CHD2: variants seen among roughly 807,000 people sequenced by gnomAD.
The protein encoded by CHD2 is ATP-dependent chromatin remodeler CHD2.
CHD2 carries 28 observed loss-of-function variants against 243.9 expected under a neutral mutation model. That is an observed-to-expected ratio of 0.11 (90% confidence interval 0.09 to 0.16). The LOEUF (loss-of-function observed/expected upper bound fraction) is 0.16, where lower values mean the gene tolerates loss of function less well. CHD2 is among the 10% of genes least tolerant of loss of function. The pLI is 1.00. For missense variants in CHD2, 1,386 were observed against 2,209.8 expected, an observed-to-expected ratio of 0.63 and a Z score of 7.47; for synonymous variants, 775 against 779.0, an observed-to-expected ratio of 0.99 and a Z score of 0.09.
At chr15:92,955,188 G>A (rs1299038680) in intron 14 of CHD2, among the ~76,000 whole-genome samples, 1 of 152,134 alleles carries the variant, frequency 6.6e-6, no homozygotes, top group Non-Finnish European at 1.5e-5. Context: ...CTGGGGGCCA[G>A]TTTCTTCTGA....
rs1225836639 is a variant in CHD2 at position 92,906,590 on chromosome 15, TAA to T, written c.62+5292_62+5293del. 2.6e-5 allele frequency among the ~76,000 whole-genome samples: 4 copies of T among 152,076 alleles called. No homozygotes were observed. The East Asian group carries it at 7.7e-4, about 29-fold the overall frequency. On this transcript the variant is annotated intron_variant, in intron 2 of 38. Coordinates refer to ENST00000394196, the MANE Select transcript of CHD2 (RefSeq NM_001271.4). ...ATTTCTCCCATAAAATTTGATACAC[TAA>T]GTTTGTTTCTGGTATAAAAATTGAG...
chr15:92,918,091 C>T (rs2141730919), intron 2 of CHD2, among the ~76,000 whole-genome samples: 1 of 152,288 alleles, frequency 6.6e-6, no homozygotes, highest in Middle Eastern at 3.4e-3. Flanking sequence ...AGGCTGGCTC[C>T]TTTTAAGTGG....
chr15:92,930,383 A>G (rs2053143563), intron 5 of CHD2, among the ~76,000 whole-genome samples: 1 of 152,032 alleles, frequency 6.6e-6, no homozygotes, highest in Admixed American at 6.6e-5. Flanking sequence ...CAGTCACTGT[A>G]TAATACATTG....
Position 93,024,465 on chromosome 15 carries a change from C to T in CHD2, c.5247C>T (p.Pro1749=), listed in dbSNP as rs766244767. 18 of 1,614,072 alleles carry T rather than the reference C, an allele frequency of 1.1e-5. No homozygotes were observed. The Admixed American group carries it at 1.2e-4, about 10-fold the overall frequency. ...TCCGACGAATGTCTGATCACCGCCC[C>T]GCTATGGGCTACCATGGCCAGGGAC... ...QDFRRMSDHR[P]AMGYHGQGPS... is the part of the protein sequence containing the mutation. Residue 1749 remains proline (P), a synonymous_variant, in exon 39 of 39, where the codon CCC becomes CCT. Coordinates refer to ENST00000394196, the MANE Select transcript of CHD2 (RefSeq NM_001271.4).
At chr15:92,975,732 C>T (rs1321531419) in intron 20 of CHD2, among the ~76,000 whole-genome samples, 1 of 151,848 alleles carries the variant, frequency 6.6e-6, no homozygotes, top group Non-Finnish European at 1.5e-5. Context: ...ACTCTTGATG[C>T]CTGTGCCTGT....
chr15:93,013,385 G>A (rs566976090), intron 36 of CHD2, among the ~76,000 whole-genome samples: 120 of 152,252 alleles, frequency 7.9e-4, no homozygotes, highest in Non-Finnish European at 1.5e-3. Flanking sequence ...GTCTGAAGTT[G>A]GACACATAAT....
chr15:92,976,653 CAAA>C (rs11354443), intron 20 of CHD2, among the ~76,000 whole-genome samples: 19 of 133,658 alleles, frequency 1.4e-4, no homozygotes, highest in Non-Finnish European at 1.6e-4. Context: ...CTGTCTCTAC[CAAA>C]AAAAAAAAAA....
At chr15:92,905,784 A>G (rs745372929) in intron 2 of CHD2, among the ~76,000 whole-genome samples, 4 of 152,360 alleles carry the variant, frequency 2.6e-5, no homozygotes, top group Non-Finnish European at 5.9e-5. Context: ...GCTCAAATGT[A>G]TATTGCGTAT....
At chr15:92,977,209 G>A (rs1270542500) in intron 20 of CHD2, among the ~76,000 whole-genome samples, 4 of 152,064 alleles carry the variant, frequency 2.6e-5, no homozygotes, top group Non-Finnish European at 5.9e-5. Flanking sequence ...TTTCTCTTAA[G>A]AATCACAGAT....
In CHD2 at chr15:92,990,280, A is replaced by G. The variant is rs553650181; in HGVS notation, c.3414-1196A>G. Among the ~76,000 whole-genome samples, 4 of 152,304 alleles carry G rather than the reference A, an allele frequency of 2.6e-5. No homozygotes were observed. In the East Asian group the frequency reaches 7.7e-4, roughly 29 times the overall value. ...CAGCTATTGTAGTTGCAGAAGTGTTAGTTTTGAAGGCTGTCATGCAGCTGG... is the reference window on the plus strand; with the variant it reads ...CAGCTATTGTAGTTGCAGAAGTGTTGGTTTTGAAGGCTGTCATGCAGCTGG... On this transcript the variant is annotated intron_variant, in intron 26 of 38. Transcript: ENST00000394196.
At chr15:92,917,316 T>C (rs550909226) in intron 2 of CHD2, among the ~76,000 whole-genome samples, 6 of 152,328 alleles carry the variant, frequency 3.9e-5, no homozygotes, top group Admixed American at 2.0e-4. Context: ...CCTAGCACTT[T>C]GGGAGGCCAA....
At chr15:93,006,450 C>T (rs1159812666) in intron 34 of CHD2, among the ~76,000 whole-genome samples, 3 of 152,072 alleles carry the variant, frequency 2.0e-5, no homozygotes, top group Non-Finnish European at 1.5e-5. Flanking sequence ...ACCTCCCAGA[C>T]GTAACCATGA....
intron 24 of CHD2, 31 bp downstream of exon 24, chr15:92,981,488 A>G: frequency 6.5e-7 from 1 of 1,537,114 alleles, no homozygotes; most frequent in Non-Finnish European, 9.0e-7. Context: ...GAGAGTTCTC[A>G]GCATTGATTC....
At chr15:92,919,455 C>T (rs754667868) in intron 2 of CHD2, among the ~76,000 whole-genome samples, 19 of 151,796 alleles carry the variant, frequency 1.3e-4, no homozygotes, top group Non-Finnish European at 2.2e-4. Context: ...TGCAATGGCA[C>T]GATTGCGGCT....
At chr15:92,967,548 G>T in intron 17 of CHD2, 35 bp downstream of exon 17, 2 of 1,551,586 alleles carry the variant, frequency 1.3e-6, no homozygotes, top group South Asian at 2.2e-5. Context: ...TGAAGGGGTT[G>T]AGATCAGTAC....
intron 6 of CHD2, among the ~76,000 whole-genome samples, chr15:92,938,464 A>G (rs936080056): frequency 6.6e-6 from 1 of 152,214 alleles, no homozygotes; most frequent in Admixed American, 6.5e-5. Flanking sequence ...AGAGCCTAAA[A>G]TATTTACTCT....
At position 92,939,554 on chromosome 15, in the gene CHD2, C is replaced by T. The variant is rs143657198; in HGVS notation, c.552-24C>T. The T allele has an allele frequency of 4.6e-4, 740 of 1,606,276 alleles. 5 individuals carry two copies. The African/African-American group carries it at 9.0e-3, about 19-fold the overall frequency. ...CCAAATGATAAAGTGAAGACTTAGC[C>T]TTTTGTTTCTCTTCTCATTTTAGAA... On this transcript the variant is annotated intron_variant, in intron 6 of 38. Coordinates refer to ENST00000394196, the MANE Select transcript of CHD2 (RefSeq NM_001271.4).
intron 33 of CHD2, among the ~76,000 whole-genome samples, chr15:93,002,968 C>G (rs913643427): frequency 1.3e-5 from 2 of 152,262 alleles, no homozygotes; most frequent in South Asian, 2.1e-4. Context: ...ATAAAATAAA[C>G]TTCTATTTAA....
At chr15:92,916,220 C>T (rs936217769) in intron 2 of CHD2, among the ~76,000 whole-genome samples, 2 of 141,112 alleles carry the variant, frequency 1.4e-5, no homozygotes, top group African/African-American at 5.2e-5. Context: ...AGCTGTGCCC[C>T]ATCACCCTGG....
Sources: allele counts gnomAD v4.1 joint callset (sites outside exome capture counted in the v4.1 genomes callset), GRCh38; gene constraint gnomAD v4.1.1; transcripts MANE v1.5; gene names NCBI Gene and HGNC (gene_info 2026-07-23, HGNC 2026-07-21).